The following INPP5F variants were observed in gnomAD, a reference collection of about 807,000 sequenced individuals.
INPP5F encodes phosphatidylinositide 4-phosphatase SAC2.
Under a neutral mutation model 137.2 loss-of-function variants are expected in INPP5F, and 97 were observed. That is an observed-to-expected ratio of 0.71 (90% CI 0.60 to 0.84). The LOEUF is 0.84. Ranked by LOEUF, INPP5F falls within the 40% of genes least tolerant of loss-of-function variation. The pLI, the probability that INPP5F is intolerant of heterozygous loss-of-function variation, is 0.00. For synonymous variants in INPP5F, 504 were observed against 476.9 expected (o/e 1.06, Z -0.74); for missense variants, 1,271 against 1,371.9 (o/e 0.93, Z 1.16).
intron 1 of INPP5F, among the ~76,000 whole-genome samples, chr10:119,728,284 A>G (rs971668613): frequency 1.3e-5 from 2 of 152,244 alleles, no homozygotes; most frequent in African/African-American, 4.8e-5. Flanking sequence ...CAGGATAGCC[A>G]GGGAATAAAG....
chr10:119,811,202 T>C (rs75892115), intron 14 of INPP5F, among the ~76,000 whole-genome samples: 170 of 152,358 alleles, frequency 1.1e-3, no homozygotes, highest in African/African-American at 4.0e-3. Flanking sequence ...GGTTGAGAGA[T>C]AGAAGCCAGT....
chr10:119,782,327 A>G lies in INPP5F; in HGVS notation c.315+556A>G, dbSNP rs185741403. 1.3e-3 allele frequency among the ~76,000 whole-genome samples: 192 copies of G among 152,352 alleles called. 2 individuals are homozygous for G. Among genetic ancestry groups the G allele is most frequent in the African/African-American group, 4.5e-3 (186 of 41,596 alleles). On this transcript the variant is annotated intron_variant, in intron 3 of 19. Coordinates refer to ENST00000650623, the MANE Select transcript of INPP5F (RefSeq NM_014937.4). ...TGGAATAATGAGATTGTCTAGGGCTAGTGTTTTTTACCACAAGGTGCTGCC... is the reference window on the plus strand; with the variant it reads ...TGGAATAATGAGATTGTCTAGGGCTGGTGTTTTTTACCACAAGGTGCTGCC...
chr10:119,729,237 C>G (rs182811743), intron 1 of INPP5F, among the ~76,000 whole-genome samples: 7 of 152,078 alleles, frequency 4.6e-5, no homozygotes, highest in African/African-American at 1.7e-4. Context: ...CCTCTGCCTC[C>G]TAGGTTCAAG....
In INPP5F at chr10:119,787,533, G is replaced by A. The variant is rs1263052063; in HGVS notation, c.316-3984G>A. 6.6e-6 allele frequency among the ~76,000 whole-genome samples: 1 copy of A among 151,796 alleles called. No individual in the cohort carries two copies. Among genetic ancestry groups the A allele is most frequent in the South Asian group, 2.1e-4 (1 of 4,798 alleles). ...GCGGAGGTTGCAGCAAGCTGAGATC[G>A]CGCCATTGCACTCTAGCTTGGGTGA... is the stretch of plus-strand genomic sequence containing the variant. On this transcript the variant is annotated intron_variant, in intron 3 of 19. Coordinates refer to ENST00000650623, the MANE Select transcript of INPP5F (RefSeq NM_014937.4). This position sits in a 1 kb window ranked among gnomAD's most constrained non-coding sequence, Gnocchi z 4.1.
chr10:119,801,863 C>T (rs540041424), intron 9 of INPP5F, among the ~76,000 whole-genome samples: 189 of 152,302 alleles, frequency 1.2e-3, no homozygotes, highest in African/African-American at 4.4e-3. Flanking sequence ...GAAATAACCG[C>T]CTCCCACACT....
At chr10:119,740,387 G>A (rs1286759639) in intron 1 of INPP5F, among the ~76,000 whole-genome samples, 1 of 152,174 alleles carries the variant, frequency 6.6e-6, no homozygotes, top group African/African-American at 2.4e-5. Flanking sequence ...GCAGGTCAAT[G>A]TTTCCCATTC....
chr10:119,819,466 AATTT>A, intron 15 of INPP5F: 1 of 1,589,322 alleles, frequency 6.3e-7, no homozygotes, highest in South Asian at 1.1e-5. Flanking sequence ...TTAGTAGTAG[AATTT>A]ATTTCATATT....
At chr10:119,796,563 G>A (rs558460505) in intron 6 of INPP5F, 152 bp from the exon 7 acceptor site, 23 of 707,644 alleles carry the variant, frequency 3.3e-5, no homozygotes, top group African/African-American at 8.8e-5. Context: ...CGTTCCTTAC[G>A]TGGTGTTCTT....
intron 6 of INPP5F, among the ~76,000 whole-genome samples, chr10:119,795,078 G>T (rs537066876): frequency 5.3e-5 from 7 of 131,986 alleles, no homozygotes; most frequent in African/African-American, 2.0e-4. Context: ...GCGGGGGGCT[G>T]ACCCCCCCAC....
intron 11 of INPP5F, 71 bp from the exon 12 acceptor site, chr10:119,806,289 T>C: frequency 1.8e-6 from 2 of 1,142,744 alleles, no homozygotes; most frequent in Non-Finnish European, 2.4e-6. Flanking sequence ...TTGATATACT[T>C]TAAAGAATTG....
At chr10:119,765,450 C>T in intron 2 of INPP5F, among the ~76,000 whole-genome samples, 1 of 151,990 alleles carries the variant, frequency 6.6e-6, no homozygotes, top group Non-Finnish European at 1.5e-5. Context: ...CAGCTCACTA[C>T]AGCCTCGACT....
intron 2 of INPP5F, among the ~76,000 whole-genome samples, chr10:119,774,897 C>T (rs1564821918): frequency 6.6e-6 from 1 of 151,912 alleles, no homozygotes; most frequent in African/African-American, 2.4e-5. Flanking sequence ...ACGCTTTTTC[C>T]ATGAGGCTGA....
chr10:119,735,379 A>T (rs1334311468), intron 1 of INPP5F, among the ~76,000 whole-genome samples: 1 of 152,152 alleles, frequency 6.6e-6, no homozygotes, highest in African/African-American at 2.4e-5. Flanking sequence ...TATGAATCTC[A>T]TTCTTTGAAA....
intron 3 of INPP5F, among the ~76,000 whole-genome samples, 173 bp downstream of exon 3, chr10:119,781,944 T>C (rs1198458429): frequency 2.6e-5 from 4 of 152,204 alleles, no homozygotes; most frequent in East Asian, 3.9e-4. Flanking sequence ...TCAAAATCCA[T>C]GAAATCTAGT....
chr10:119,776,128 A>G (rs997973488), intron 2 of INPP5F, among the ~76,000 whole-genome samples: 2 of 152,204 alleles, frequency 1.3e-5, no homozygotes, highest in African/African-American at 4.8e-5. Flanking sequence ...TGATGGAGCT[A>G]AAATTTGAGT....
At chr10:119,760,647 T>C (rs1350124240) in intron 2 of INPP5F, among the ~76,000 whole-genome samples, 1 of 152,192 alleles carries the variant, frequency 6.6e-6, no homozygotes, top group African/African-American at 2.4e-5. Flanking sequence ...TCTCGATAAA[T>C]TTGTTAAGTT....
In INPP5F at chr10:119,748,347, C is replaced by T. The variant is rs746140096; in HGVS notation, c.98-2729C>T. ...ACTGTCACAGCCCTGGCTCGGAGAG[C>T]CCCTAGGTCTGGTGTTCCCGAAGGG... On this transcript the variant is annotated intron_variant, in intron 1 of 19. Transcript: ENST00000650623. This position sits in a 1 kb window ranked among gnomAD's most constrained non-coding sequence, Gnocchi z 4.7. Among the ~76,000 whole-genome samples, 9 of 152,228 alleles carry T rather than the reference C, an allele frequency of 5.9e-5. No individual in the cohort carries two copies. Among genetic ancestry groups the T allele is most frequent in the African/African-American group, 7.2e-5 (3 of 41,456 alleles).
intron 1 of INPP5F, 26 bp from the exon 2 acceptor site, chr10:119,751,050 C>T: frequency 7.1e-7 from 1 of 1,406,814 alleles, no homozygotes; most frequent in Non-Finnish European, 1.0e-6. Context: ...AATGTTTTCT[C>T]ATCACTGCTT....
intron 2 of INPP5F, among the ~76,000 whole-genome samples, chr10:119,753,779 A>G (rs544519677): frequency 6.6e-6 from 1 of 152,330 alleles, no homozygotes; most frequent in South Asian, 2.1e-4. Context: ...TGCTTAGTAA[A>G]TTGTAAATCA....
Sources: gnomAD v4.1 joint callset for allele counts (sites outside exome capture counted in the v4.1 genomes callset) on GRCh38, gnomAD v4.1.1 for gene constraint, Gnocchi (gnomAD v3.1) non-coding constraint, MANE v1.5 for transcripts, NCBI Gene and HGNC (gene_info 2026-07-23, HGNC 2026-07-21) for gene names.